KAZN: variants seen among roughly 807,000 people sequenced by gnomAD.
KAZN encodes kazrin.
Under a neutral mutation model 87.4 loss-of-function variants are expected in KAZN, and 40 were observed. The observed-to-expected ratio is 0.46, with a 90% CI of 0.36 to 0.60. The LOEUF (loss-of-function observed/expected upper bound fraction) is 0.60. Ranked by LOEUF, KAZN falls within the 20% of genes least tolerant of loss-of-function variation. KAZN has a pLI of 0.00. For synonymous variants in KAZN, 466 were observed against 458.3 expected, an observed-to-expected ratio of 1.02 and a Z score of -0.22; for missense variants, 898 against 1,073.9, an observed-to-expected ratio of 0.84 and a Z score of 2.29.
chr1:14,858,212 T>C (rs1318539499), intron 1 of KAZN, among the ~76,000 whole-genome samples: 3 of 116,418 alleles, frequency 2.6e-5, no homozygotes, highest in Non-Finnish European at 5.1e-5. Flanking sequence ...TCTTTTTCTT[T>C]TCTTTTTTTT....
Position 15,013,762 on chromosome 1 carries a change from AAAAAG to A in KAZN, c.419-20985_419-20981del, listed in dbSNP as rs537280231. Reference sequence around the variant, plus strand: ...GAGCAAGACTCCATCTCAAAAAAAAAAAAAGAGAGAGATGGGAGAACAGTACAGCT... The same window carrying A: ...GAGCAAGACTCCATCTCAAAAAAAAAAGAGAGATGGGAGAACAGTACAGCT... On this transcript the variant is annotated intron_variant, in intron 2 of 14. Transcript: ENST00000376030. 2.4e-3 allele frequency among the ~76,000 whole-genome samples: 368 copies of A among 152,014 alleles called. 7 individuals are homozygous for A. The highest frequency in any genetic ancestry group is 8.4e-3 in the African/African-American group (348 of 41,434).
At chr1:14,815,009 A>G (rs1309951514) in intron 1 of KAZN, among the ~76,000 whole-genome samples, 1 of 152,184 alleles carries the variant, frequency 6.6e-6, no homozygotes, top group East Asian at 1.9e-4. Flanking sequence ...GTGGAAGGCA[A>G]TGAGTGGACT....
At chr1:15,103,518 T>G (rs2100719526) in intron 12 of KAZN, 58 bp downstream of exon 12, 1 of 1,100,024 alleles carries the variant, frequency 9.1e-7, no homozygotes, top group Non-Finnish European at 1.3e-6. Context: ...CCCATGCAAA[T>G]CTATATGCAA....
chr1:15,008,049 T>C (rs1669211698), intron 2 of KAZN, among the ~76,000 whole-genome samples: 1 of 152,116 alleles, frequency 6.6e-6, no homozygotes, highest in Admixed American at 6.5e-5. Context: ...TTAAATGAAA[T>C]AACTGTTTTG....
intron 1 of KAZN, among the ~76,000 whole-genome samples, chr1:14,698,788 C>T (rs1641762899): frequency 6.6e-6 from 1 of 152,204 alleles, no homozygotes; most frequent in African/African-American, 2.4e-5. Context: ...GAAAAGTTTG[C>T]TGAATTAAAA....
intron 1 of KAZN, among the ~76,000 whole-genome samples, chr1:14,684,491 G>A (rs1640846773): frequency 6.6e-6 from 1 of 152,194 alleles, no homozygotes; most frequent in Non-Finnish European, 1.5e-5. Flanking sequence ...AAGCCAGGTG[G>A]CTTGAAACAA....
At chr1:14,319,525 G>A (rs1015582070) in intron 2 of KAZN, among the ~76,000 whole-genome samples, 2 of 152,078 alleles carry the variant, frequency 1.3e-5, no homozygotes, top group Non-Finnish European at 2.9e-5. Flanking sequence ...GCCGATTCTC[G>A]GGCTCTTTTT....
intron 1 of KAZN, among the ~76,000 whole-genome samples, chr1:14,065,241 C>T (rs146412393): frequency 6.6e-6 from 1 of 152,288 alleles, no homozygotes; most frequent in East Asian, 1.9e-4. Context: ...ATTCAGGTCA[C>T]ATGGACGGTG....
chr1:14,790,200 C>T (rs571636868), intron 1 of KAZN, among the ~76,000 whole-genome samples: 8 of 150,922 alleles, frequency 5.3e-5, no homozygotes, highest in Admixed American at 1.3e-4. Context: ...TTAGTAAAGA[C>T]GGGGTTTCTC....
intron 1 of KAZN, among the ~76,000 whole-genome samples, chr1:14,164,798 C>T (rs1393877066): frequency 1.3e-5 from 2 of 152,002 alleles, no homozygotes; most frequent in African/African-American, 2.4e-5. Context: ...CTCGGCCTCC[C>T]AAAGTGCTGG....
intron 1 of KAZN, among the ~76,000 whole-genome samples, chr1:14,898,010 C>T (rs77199655): frequency 3.4e-4 from 52 of 152,288 alleles, no homozygotes; most frequent in Middle Eastern, 3.4e-3. Flanking sequence ...TAATTGCTTC[C>T]ACTTCATAGG....
intron 2 of KAZN, among the ~76,000 whole-genome samples, chr1:14,997,332 CCGGGTT>C (rs201965415): frequency 6.6e-6 from 1 of 151,778 alleles, no homozygotes; most frequent in East Asian, 1.9e-4. Flanking sequence ...CCTCCACCTC[CCGGGTT>C]CGAGCGATTC....
intron 2 of KAZN, among the ~76,000 whole-genome samples, chr1:14,545,158 C>T (rs1673061580): frequency 6.6e-6 from 1 of 152,218 alleles, no homozygotes; most frequent in African/African-American, 2.4e-5. Context: ...TAGAAAGAAG[C>T]TCAAGATGTT....
intron 1 of KAZN, among the ~76,000 whole-genome samples, chr1:14,011,266 C>G (rs997322163): frequency 6.6e-6 from 1 of 152,184 alleles, no homozygotes; most frequent in Admixed American, 6.5e-5. Flanking sequence ...TGATCAGATT[C>G]GTTTCGCACT....
intron 1 of KAZN, among the ~76,000 whole-genome samples, chr1:14,767,588 G>C (rs1423692128): frequency 2.0e-5 from 3 of 152,228 alleles, no homozygotes; most frequent in Non-Finnish European, 4.4e-5. Context: ...CTAGGTCAAA[G>C]AGCTGGACTT....
At chr1:14,975,020 T>C (rs1254983866) in intron 2 of KAZN, among the ~76,000 whole-genome samples, 1 of 152,240 alleles carries the variant, frequency 6.6e-6, no homozygotes, top group East Asian at 1.9e-4. Flanking sequence ...AGGAGCATTT[T>C]AGAACCCTGT....
At chr1:14,234,889 A>G (rs763491476) in intron 2 of KAZN, among the ~76,000 whole-genome samples, 7 of 152,256 alleles carry the variant, frequency 4.6e-5, no homozygotes, top group Non-Finnish European at 1.0e-4. Flanking sequence ...CTGCAATTCT[A>G]TCTGGTTGAA....
intron 10 of KAZN, among the ~76,000 whole-genome samples, chr1:15,101,164 T>TCTCTCTCTCTCTC (rs1553190085): frequency 2.0e-4 from 25 of 127,846 alleles, no homozygotes; most frequent in African/African-American, 6.9e-4. Context: ...GTCTCGGTCT[T>TCTCTCTCTCTCTC]TCTCTCTCTC....
At chr1:13,973,803 T>A (rs1339600520) in intron 1 of KAZN, among the ~76,000 whole-genome samples, 1 of 152,252 alleles carries the variant, frequency 6.6e-6, no homozygotes, top group Admixed American at 6.5e-5. Context: ...ATGGGCTGTG[T>A]GATCTCCATC....
Sources: allele counts gnomAD v4.1 joint callset (sites outside exome capture counted in the v4.1 genomes callset), GRCh38; gene constraint gnomAD v4.1.1; transcripts MANE v1.5; gene names NCBI Gene and HGNC (gene_info 2026-07-23, HGNC 2026-07-21).